The following PDPR variants were observed in gnomAD, a reference collection of about 807,000 sequenced individuals.
PDPR encodes the protein pyruvate dehydrogenase phosphatase regulatory subunit, also known as pyruvate dehydrogenase phosphatase regulatory subunit, mitochondrial.
A neutral mutation model predicts 102.2 loss-of-function variants in PDPR; 50 were observed. The ratio of observed to expected loss-of-function variants is 0.49; its 90% CI spans 0.39 to 0.62. The LOEUF (loss-of-function observed/expected upper bound fraction) is 0.62. Among genes scored for constraint, PDPR ranks in the 20% least tolerant of loss-of-function variants. The pLI is 0.00. For missense variants in PDPR, 625 were observed against 1,098.2 expected, an observed-to-expected ratio of 0.57 and a Z score of 6.09; for synonymous variants, 259 against 406.0, an observed-to-expected ratio of 0.64 and a Z score of 4.35.
rs562722629 is a variant in PDPR, at chr16:70,130,793, G to C, written c.729+249G>C. ...GAAGGCCAGCAAATGGTCAGGCATT[G>C]ACGTGAATCCTTGGCACTGGGTCTT... On this transcript the variant is annotated intron_variant, in intron 7 of 18. Coordinates refer to ENST00000288050, the MANE Select transcript of PDPR (RefSeq NM_017990.5). 2.0e-4 allele frequency among the ~76,000 whole-genome samples: 30 copies of C among 152,406 alleles called. No homozygotes were observed. The East Asian group carries it at 5.0e-3, about 25-fold the overall frequency.
rs1597323700 is a variant in PDPR at position 70,130,554 on chromosome 16, C to T, written c.729+10C>T. The T allele has an allele frequency of 5.0e-6, 8 of 1,613,834 alleles. No individual in the cohort carries two copies. The highest frequency in any genetic ancestry group is 2.2e-5 in the East Asian group (1 of 44,878). On this transcript the variant is annotated intron_variant, in intron 7 of 18. Coordinates refer to ENST00000288050, the MANE Select transcript of PDPR (RefSeq NM_017990.5). The stretch of plus-strand genomic sequence containing the variant: ...CAACTGTGCTGGCCAGGTAGGTCAG[C>T]ACCAACACTGCTGTTCTTATTTAAC...
chr16:70,144,002 C>T, intron 14 of PDPR, among the ~76,000 whole-genome samples: 1 of 152,216 alleles, frequency 6.6e-6, no homozygotes, highest in Non-Finnish European at 1.5e-5. Context: ...AGTGATCCTC[C>T]CACCTCAGCT....
chr16:70,134,249 G>C (rs1380203454), intron 9 of PDPR, among the ~76,000 whole-genome samples: 20 of 152,020 alleles, frequency 1.3e-4, no homozygotes, highest in African/African-American at 4.8e-4. Flanking sequence ...ATTTTGAGAT[G>C]GAGTCTTGCT....
At chr16:70,129,667 T>G (rs1964339807) in intron 6 of PDPR, among the ~76,000 whole-genome samples, 1 of 152,266 alleles carries the variant, frequency 6.6e-6, no homozygotes, top group Non-Finnish European at 1.5e-5. Context: ...CCCTTTGGAC[T>G]TAAGGTAATA....
At chr16:70,135,236 C>CTTTT (rs59176444) in intron 9 of PDPR, among the ~76,000 whole-genome samples, 7,487 of 143,386 alleles carry the variant, frequency 0.052, 173 homozygotes, top group African/African-American at 0.19. Flanking sequence ...AGAACATTGC[C>CTTTT]TTTTTTTTTT....
Position 70,159,702 on chromosome 16 carries a change from C to G in PDPR, c.*2823C>G, listed in dbSNP as rs1967599910. The G allele has an allele frequency of 6.5e-6, 1 of 152,844 alleles. No homozygotes were observed. Among genetic ancestry groups the G allele is most frequent in the Admixed American group, 6.5e-5 (1 of 15,282 alleles). 9.5% of individuals were successfully genotyped at this position (152,844 alleles called of 1,614,324 possible). ...TCAAGAGGAGAGGGCAGCATAACTT[C>G]CTGACCACCGGTGTCAGATATCAGA... On this transcript the variant is annotated 3_prime_UTR_variant, in exon 19 of 19. Coordinates refer to ENST00000288050, the MANE Select transcript of PDPR (RefSeq NM_017990.5).
At chr16:70,131,550 G>T (rs1220252035) in intron 8 of PDPR, 131 bp downstream of exon 8, 56 of 1,081,976 alleles carry the variant, frequency 5.2e-5, no homozygotes, top group Non-Finnish European at 4.1e-5. Context: ...TTACAGGGAG[G>T]TGGACCCAAT....
chr16:70,138,619 C>G (rs978428994), intron 10 of PDPR, among the ~76,000 whole-genome samples: 1 of 152,250 alleles, frequency 6.6e-6, no homozygotes, highest in African/African-American at 2.4e-5. Context: ...TCCCAAAGTT[C>G]TGGGATTACA....
At chr16:70,152,482 C>A (rs866166780) in intron 17 of PDPR, among the ~76,000 whole-genome samples, 2 of 152,286 alleles carry the variant, frequency 1.3e-5, no homozygotes, top group African/African-American at 4.8e-5. Context: ...CGCGCCACTT[C>A]ACTCTAGCCT....
chr16:70,121,439 C>A (rs1021252624), intron 3 of PDPR, among the ~76,000 whole-genome samples: 2 of 151,532 alleles, frequency 1.3e-5, no homozygotes, highest in Non-Finnish European at 2.9e-5. Flanking sequence ...CACTTGTAAT[C>A]CCAGCACTCT....
intron 16 of PDPR, among the ~76,000 whole-genome samples, chr16:70,147,985 A>G (rs1373293948): frequency 2.0e-5 from 3 of 152,208 alleles, no homozygotes; most frequent in East Asian, 3.9e-4. Context: ...CTGAGCTGCT[A>G]TGTAACGTGT....
At chr16:70,134,447 A>G (rs1462801283) in intron 9 of PDPR, among the ~76,000 whole-genome samples, 1 of 149,960 alleles carries the variant, frequency 6.7e-6, no homozygotes, top group Non-Finnish European at 1.5e-5. Flanking sequence ...CTGGTCTTGA[A>G]CTCCTGACCT....
At chr16:70,153,253 A>C (rs1236763211) in intron 17 of PDPR, 138 bp from the exon 18 acceptor site, 1 of 992,048 alleles carries the variant, frequency 1.0e-6, no homozygotes, top group Non-Finnish European at 1.5e-6. Context: ...TGAGCGTGTC[A>C]AGGATGAGAC....
intron 3 of PDPR, among the ~76,000 whole-genome samples, chr16:70,125,779 G>A (rs1416571807): frequency 2.7e-4 from 41 of 152,246 alleles, no homozygotes; most frequent in African/African-American, 6.5e-4. Context: ...GATTACAGAC[G>A]CCTGCCACCA....
At chr16:70,115,413 C>T (rs938168200) in intron 2 of PDPR, among the ~76,000 whole-genome samples, 1 of 152,208 alleles carries the variant, frequency 6.6e-6, no homozygotes, top group Admixed American at 6.5e-5. Flanking sequence ...TGAGCCACTG[C>T]GCTCGGCCAA....
chr16:70,135,209 T>G (rs1232092416), intron 9 of PDPR, among the ~76,000 whole-genome samples: 1 of 151,896 alleles, frequency 6.6e-6, no homozygotes, highest in Non-Finnish European at 1.5e-5. Flanking sequence ...GTCTGTCTTT[T>G]GCAGCTATTC....
At chr16:70,114,687 C>T (rs1347433724) in intron 1 of PDPR, 134 bp from the exon 2 acceptor site, 1 of 152,366 alleles carries the variant, frequency 6.6e-6, no homozygotes, top group Non-Finnish European at 1.5e-5. Flanking sequence ...GCGCACCGCT[C>T]CTCCAGGAGC....
chr16:70,156,782 G>A lies in PDPR; in HGVS notation c.2543G>A (p.Arg848His), dbSNP rs773595037. 4.3e-6 allele frequency: 7 copies of A among 1,613,940 alleles called. No homozygotes were observed. The highest frequency in any genetic ancestry group is 2.7e-5 in the African/African-American group (2 of 74,950). The change falls in exon 19 of 19, where the codon CGC becomes CAC. Residue 848 changes from arginine (R) to histidine (H), a missense_variant. Transcript: ENST00000288050. ...GEYEIDIAGY[R>H]FQAKAKLYPV... ...TATGAGATTGACATCGCGGGATACCGCTTCCAGGCCAAGGCCAAGCTCTAC... is the reference window on the plus strand; with the variant it reads ...TATGAGATTGACATCGCGGGATACCACTTCCAGGCCAAGGCCAAGCTCTAC...
At chr16:70,137,227 G>A (rs1323376314) in intron 10 of PDPR, among the ~76,000 whole-genome samples, 1 of 152,144 alleles carries the variant, frequency 6.6e-6, no homozygotes, top group Non-Finnish European at 1.5e-5. Flanking sequence ...GTTGTGGCGG[G>A]TGCTTGTGGT....
Sources: gnomAD v4.1 joint callset for allele counts (sites outside exome capture counted in the v4.1 genomes callset) on GRCh38, gnomAD v4.1.1 for gene constraint, MANE v1.5 for transcripts, NCBI Gene and HGNC (gene_info 2026-07-23, HGNC 2026-07-21) for gene names.